The following MTOR variants were observed in gnomAD, a reference collection of about 807,000 sequenced individuals.
MTOR encodes the protein serine/threonine-protein kinase mTOR.
MTOR carries 70 observed loss-of-function variants against 319.8 expected under a neutral mutation model. That is an observed-to-expected ratio of 0.22 (90% CI 0.18 to 0.27). The LOEUF is 0.27. Ranked by LOEUF, MTOR falls within the 10% of genes least tolerant of loss-of-function variation. The probability of loss-of-function intolerance (pLI) is 1.00; values close to 1 mark genes in which losing one functional copy is unlikely to be tolerated. For synonymous variants in MTOR, 1,183 were observed against 1,211.4 expected (o/e 0.98, Z 0.49); for missense variants, 1,890 against 3,274.4 (o/e 0.58, Z 10.32).
At position 11,146,487 on chromosome 1, in the gene MTOR, C is replaced by T. The variant is rs149192677; in HGVS notation, c.4686+189G>A. On this transcript the variant is annotated intron_variant, in intron 32 of 57. Transcript: ENST00000361445. Reference sequence around the variant, plus strand: ...CAGAACACATTTGTCCCCCTCAGAACAATAAGTAGCCCCAGCTGACCTGCT... The same window carrying T: ...CAGAACACATTTGTCCCCCTCAGAATAATAAGTAGCCCCAGCTGACCTGCT... Among the ~76,000 whole-genome samples the T allele has an allele frequency of 4.2e-3, 643 of 152,270 alleles. 6 individuals carry two copies. The highest frequency in any genetic ancestry group is 0.015 in the African/African-American group (606 of 41,558).
At chr1:11,220,031 CA>C (rs35124153) in intron 19 of MTOR, among the ~76,000 whole-genome samples, 130 of 54,624 alleles carry the variant, frequency 2.4e-3, no homozygotes, top group Non-Finnish European at 3.8e-3. Flanking sequence ...GACTTGATCT[CA>C]AAAAAAAAAA....
Position 11,121,594 on chromosome 1 carries a change from CAG to C in MTOR, c.6811-228_6811-227del, listed in dbSNP as rs1314961030. ...AAGGGAAAAACACGAGACTTCACCT[CAG>C]TTATAGGCCTTCTGTGCAGATGAGA... On this transcript the variant is annotated intron_variant, in intron 48 of 57. Coordinates refer to ENST00000361445, the MANE Select transcript of MTOR (RefSeq NM_004958.4). The surrounding 1 kb of genome is among the most constrained non-coding windows in gnomAD (Gnocchi z 4.9). Among the ~76,000 whole-genome samples the C allele has an allele frequency of 6.6e-6, 1 of 152,200 alleles. No homozygotes were observed. Among genetic ancestry groups the C allele is most frequent in the Non-Finnish European group, 1.5e-5 (1 of 68,024 alleles).
At chr1:11,202,708 G>C (rs576255857) in intron 26 of MTOR, among the ~76,000 whole-genome samples, 1 of 152,058 alleles carries the variant, frequency 6.6e-6, no homozygotes. Context: ...GAGTCCAGGA[G>C]TTTGAGATCA....
chr1:11,182,935 A>G (rs1425891072), intron 28 of MTOR, among the ~76,000 whole-genome samples: 1 of 152,196 alleles, frequency 6.6e-6, no homozygotes, highest in East Asian at 1.9e-4. Flanking sequence ...ACTCTTGTCC[A>G]TGTCTTCTGG....
rs775025297 is a variant in MTOR, at chr1:11,212,274, G to A, written c.3561+38C>T. The stretch of plus-strand genomic sequence containing the variant: ...CAGACAAAGTCTTCTTTCCAAATAA[G>A]GCAGAAGAGCACCTGTCTGTCCAGA... On this transcript the variant is annotated intron_variant, in intron 23 of 57. Coordinates refer to ENST00000361445, the MANE Select transcript of MTOR (RefSeq NM_004958.4). This position sits in a 1 kb window ranked among gnomAD's most constrained non-coding sequence, Gnocchi z 4.1. The A allele has an allele frequency of 8.9e-6, 14 of 1,581,662 alleles. No individual in the cohort carries two copies. The highest frequency in any genetic ancestry group is 1.2e-5 in the Non-Finnish European group (14 of 1,163,266).
Position 11,130,609 on chromosome 1 carries a change from CGGT to C in MTOR, c.5530_5532del (p.Thr1844del). ...GCCTCGCTCTCACTGTTGCTGCCCT[CGGT>C]GCTGGCAGTGGTGGTGGCAGTGGCG... is the stretch of plus-strand genomic sequence containing the variant. On this transcript the variant is annotated inframe_deletion, in exon 39 of 58. Transcript: ENST00000361445. The C allele has an allele frequency of 6.2e-7, 1 of 1,613,878 alleles. No individual in the cohort carries two copies. Among genetic ancestry groups the C allele is most frequent in the Non-Finnish European group, 8.5e-7 (1 of 1,179,970 alleles).
chr1:11,129,605 A>G lies in MTOR; in HGVS notation c.5714+133T>C. On this transcript the variant is annotated intron_variant, in intron 40 of 57. Transcript: ENST00000361445. This position sits in a 1 kb window ranked among gnomAD's most constrained non-coding sequence, Gnocchi z 4.7. ...AGCTGTTACTCCTTAAATGCAGTGCAGAAAAAAGGCACATACATCGATCTT... is the reference window on the plus strand; with the variant it reads ...AGCTGTTACTCCTTAAATGCAGTGCGGAAAAAAGGCACATACATCGATCTT... The G allele has an allele frequency of 4.1e-6, 3 of 737,650 alleles. No individual in the cohort carries two copies. Among genetic ancestry groups the G allele is most frequent in the East Asian group, 2.7e-5 (1 of 36,538 alleles). The allele number at this position is 737,650 out of a possible 1,614,324, so 45.7% of individuals were successfully genotyped here. A position where few individuals can be genotyped will look rare whatever the true frequency, so the allele number is the denominator to read the frequency against.
In MTOR at chr1:11,124,487, T is replaced by C. The variant is rs746010946; in HGVS notation, c.6662+11A>G. On this transcript the variant is annotated intron_variant, in intron 47 of 57. Transcript: ENST00000361445. ...TTCTCAAATTGTTGCCATTTCAGGG[T>C]TTCTGAATACCTGAGGTTTTTCCGA... 1 of 1,600,172 alleles carries C rather than the reference T, an allele frequency of 6.2e-7. No individual in the cohort carries two copies. The highest frequency in any genetic ancestry group is 1.1e-5 in the South Asian group (1 of 90,748).
Position 11,129,791 on chromosome 1 carries a change from G to A in MTOR, c.5661C>T (p.Gly1887=), listed in dbSNP as rs1467992109. The change falls in exon 40 of 58, where the codon GGC becomes GGT. Residue 1887 remains glycine, a synonymous_variant. Transcript: ENST00000361445. This position sits in a 1 kb window ranked among gnomAD's most constrained non-coding sequence, Gnocchi z 4.7. ...GTGACAAGGAGATGGAACGGAAGAA[G>A]CCCTGGACGGCAGGCACCGTGTACA... The part of the protein sequence containing the change: ...LLMYTVPAVQ[G]FFRSISLSRG... 3.1e-6 allele frequency: 5 copies of A among 1,614,234 alleles called. No homozygotes were observed. The highest frequency in any genetic ancestry group is 4.2e-6 in the Non-Finnish European group (5 of 1,180,030).
In MTOR at chr1:11,115,360, G is replaced by A; in HGVS notation, c.7089+36C>T. ...GAGGAGGGGGAAAAGTGATCACCCG[G>A]GAAGATGAGGTTGGGGTTCTAGAAC... On this transcript the variant is annotated intron_variant, in intron 51 of 57. Coordinates refer to ENST00000361445, the MANE Select transcript of MTOR (RefSeq NM_004958.4). The surrounding 1 kb of genome is among the most constrained non-coding windows in gnomAD (Gnocchi z 4.5). 1 of 1,602,324 alleles carries A rather than the reference G, an allele frequency of 6.2e-7. No homozygotes were observed. The highest frequency in any genetic ancestry group is 8.6e-7 in the Non-Finnish European group (1 of 1,169,298).
chr1:11,257,875 T>C (rs7554251), intron 3 of MTOR, among the ~76,000 whole-genome samples: 97,705 of 151,844 alleles, frequency 0.64, 33,786 homozygotes, highest in East Asian at 0.91. Flanking sequence ...TCTGGGAGGC[T>C]GAGGTGGGCA....
At chr1:11,218,707 G>A (rs1174659709) in intron 19 of MTOR, among the ~76,000 whole-genome samples, 1 of 152,112 alleles carries the variant, frequency 6.6e-6, no homozygotes, top group Non-Finnish European at 1.5e-5. Context: ...GGACAGGCAA[G>A]CACCTCAATG....
chr1:11,222,064 A>G (rs1646681642), intron 19 of MTOR, among the ~76,000 whole-genome samples: 1 of 151,866 alleles, frequency 6.6e-6, no homozygotes, highest in Non-Finnish European at 1.5e-5. Context: ...TTGACTCATT[A>G]TACTAAAAAA....
At chr1:11,161,238 G>A (rs112713186) in intron 29 of MTOR, among the ~76,000 whole-genome samples, 1,594 of 152,316 alleles carry the variant, frequency 0.01, 38 homozygotes, top group African/African-American at 0.037. Flanking sequence ...GGCTGGCGGA[G>A]GGGTGCCCAC....
rs2100881258 is a variant in MTOR at position 11,234,132 on chromosome 1, G to A, written c.2331+11C>T. 1.2e-6 allele frequency: 2 copies of A among 1,614,136 alleles called. No homozygotes were observed. Among genetic ancestry groups the A allele is most frequent in the Non-Finnish European group, 1.7e-6 (2 of 1,180,018 alleles). ...GCACAGAGAAAGCACCAGCCTCTCGGTTTGTGTTACCTTCAGAATAGGCTC... is the reference window on the plus strand; with the variant it reads ...GCACAGAGAAAGCACCAGCCTCTCGATTTGTGTTACCTTCAGAATAGGCTC... On this transcript the variant is annotated intron_variant, in intron 14 of 57. Coordinates refer to ENST00000361445, the MANE Select transcript of MTOR (RefSeq NM_004958.4).
intron 20 of MTOR, among the ~76,000 whole-genome samples, chr1:11,214,717 T>A (rs763445926): frequency 4.6e-5 from 7 of 152,218 alleles, no homozygotes; most frequent in African/African-American, 7.2e-5. Flanking sequence ...CCTTTCTCTC[T>A]ACTTGGAGAG....
Position 11,240,508 on chromosome 1 carries a change from C to T in MTOR, c.1581G>A (p.Gln527=). The part of the protein sequence containing the change: ...LTAVLYDLSR[Q]IPQLKKDIQD... Reference sequence around the variant, plus strand: ...GAATGTCCTTCTTTAGCTGTGGAATCTGACGGCTCAGGTCGTAGAGCACTG... The same window carrying T: ...GAATGTCCTTCTTTAGCTGTGGAATTTGACGGCTCAGGTCGTAGAGCACTG... The change falls in exon 11 of 58, where the codon CAG becomes CAA. Residue 527 remains glutamine (Q), a synonymous_variant. Transcript: ENST00000361445. 1 of 1,614,196 alleles carries T rather than the reference C, an allele frequency of 6.2e-7. No individual in the cohort carries two copies. The highest frequency in any genetic ancestry group is 1.1e-5 in the South Asian group (1 of 91,076).
chr1:11,158,033 G>GTGT (rs1644369385), intron 29 of MTOR, among the ~76,000 whole-genome samples: 1 of 152,140 alleles, frequency 6.6e-6, no homozygotes, highest in Non-Finnish European at 1.5e-5. Flanking sequence ...CTGAAAGAGG[G>GTGT]TGTTGTCCAC....
intron 45 of MTOR, 26 bp from the exon 46 acceptor site, chr1:11,126,822 G>T: frequency 6.2e-7 from 1 of 1,609,018 alleles, no homozygotes; most frequent in Non-Finnish European, 8.5e-7. Flanking sequence ...AAAGGATTTA[G>T]TGTTCTGCCT....
Sources: allele counts gnomAD v4.1 joint callset (sites outside exome capture counted in the v4.1 genomes callset), GRCh38; gene constraint gnomAD v4.1.1; non-coding constraint Gnocchi (gnomAD v3.1); transcripts MANE v1.5; gene names NCBI Gene and HGNC (gene_info 2026-07-23, HGNC 2026-07-21).